The following ENTHD1 variants were observed in gnomAD, a reference collection of about 807,000 sequenced individuals.
The protein encoded by ENTHD1 is ENTH domain-containing protein 1.
A neutral mutation model predicts 39.1 loss-of-function variants in ENTHD1; 23 were observed. The ratio of observed to expected loss-of-function variants is 0.59; its 90% CI spans 0.42 to 0.83. The LOEUF (loss-of-function observed/expected upper bound fraction) is 0.83. Ranked by LOEUF, ENTHD1 falls within the 40% of genes least tolerant of loss-of-function variation. The pLI is 0.00. For missense variants in ENTHD1, 624 were observed against 705.4 expected (o/e 0.88, Z 1.31); for synonymous variants, 230 against 258.2 (o/e 0.89, Z 1.05).
intron 3 of ENTHD1, among the ~76,000 whole-genome samples, chr22:39,849,874 T>A (rs2066021248): frequency 6.6e-6 from 1 of 152,216 alleles, no homozygotes; most frequent in South Asian, 2.1e-4. Context: ...TTAATTTCTC[T>A]TGCTTGTTTT....
chr22:39,797,665 G>GA (rs1317830209), intron 5 of ENTHD1, among the ~76,000 whole-genome samples: 1 of 152,094 alleles, frequency 6.6e-6, no homozygotes, highest in Admixed American at 6.5e-5. Flanking sequence ...GCTTGTTTGG[G>GA]AAAGACTACT....
intron 3 of ENTHD1, among the ~76,000 whole-genome samples, chr22:39,839,087 T>C (rs1265009291): frequency 6.6e-6 from 1 of 152,144 alleles, no homozygotes; most frequent in East Asian, 1.9e-4. Flanking sequence ...GCCAGAATTA[T>C]ATCCTTTGCA....
At position 39,886,697 on chromosome 22, in the gene ENTHD1, C is replaced by A. The variant is rs530322061; in HGVS notation, c.349+703G>T. Among the ~76,000 whole-genome samples, 69 of 152,228 alleles carry A rather than the reference C, an allele frequency of 4.5e-4. 1 individual carries two copies. Among genetic ancestry groups the A allele is most frequent in the South Asian group, 1.0e-3 (5 of 4,812 alleles). ...CAGTAGCTAGAGAGGAAGCACTGAG[C>A]CTTTTGTCACTGTAGAATATCAGGC... On this transcript the variant is annotated intron_variant, in intron 2 of 6. Coordinates refer to ENST00000325157, the MANE Select transcript of ENTHD1 (RefSeq NM_152512.4).
At position 39,821,038 on chromosome 22, in the gene ENTHD1, T is replaced by G; in HGVS notation, c.787A>C (p.Thr263Pro). 1 of 1,614,060 alleles carries G rather than the reference T, an allele frequency of 6.2e-7. No homozygotes were observed. Among genetic ancestry groups the G allele is most frequent in the East Asian group, 2.2e-5 (1 of 44,860 alleles). The change falls in exon 5 of 7, where the codon ACT becomes CCT. Residue 263 changes from threonine (T) to proline (P), a missense_variant. Physicochemically the swap from Thr to Pro is conservative, Grantham distance 38. Coordinates refer to ENST00000325157, the MANE Select transcript of ENTHD1 (RefSeq NM_152512.4). ...ACTTCTTCTGCTTCTGACAAGCAAG[T>G]GATTGGAGAGACAATGGAAGGAGGT... ...ATPPSIVSPITCLSEAEEVCN... is the reference protein window; with the variant it reads ...ATPPSIVSPIPCLSEAEEVCN...
Position 39,811,367 on chromosome 22 carries a change from C to T in ENTHD1, c.832+9626G>A, listed in dbSNP as rs151329644. 5.7e-4 allele frequency among the ~76,000 whole-genome samples: 87 copies of T among 152,308 alleles called. 1 individual carries two copies. The East Asian group carries it at 0.012, about 21-fold the overall frequency. On this transcript the variant is annotated intron_variant, in intron 5 of 6. Coordinates refer to ENST00000325157, the MANE Select transcript of ENTHD1 (RefSeq NM_152512.4). The stretch of plus-strand genomic sequence containing the variant: ...CTGCCCCGACACCTGGATCATATAA[C>T]TTAGCAGAACCAAGGGTAAGGGAAG...
At chr22:39,825,112 C>T (rs555855671) in intron 4 of ENTHD1, among the ~76,000 whole-genome samples, 1 of 152,252 alleles carries the variant, frequency 6.6e-6, no homozygotes, top group Admixed American at 6.5e-5. Flanking sequence ...TTATAATTCT[C>T]AACATATGGA....
At chr22:39,823,069 C>T (rs1182391216) in intron 4 of ENTHD1, among the ~76,000 whole-genome samples, 1 of 152,210 alleles carries the variant, frequency 6.6e-6, no homozygotes, top group African/African-American at 2.4e-5. Context: ...CCTAATCTCT[C>T]CTTCATTTCT....
chr22:39,802,982 T>C (rs1286628850), intron 5 of ENTHD1, among the ~76,000 whole-genome samples: 1 of 152,202 alleles, frequency 6.6e-6, no homozygotes, highest in African/African-American at 2.4e-5. Context: ...ATATAGCTTC[T>C]TCCTTATCTT....
intron 6 of ENTHD1, among the ~76,000 whole-genome samples, chr22:39,749,162 C>A (rs2065129501): frequency 6.6e-6 from 1 of 152,222 alleles, no homozygotes. Flanking sequence ...CACTCCACAG[C>A]TGTACACATA....
chr22:39,784,322 A>G (rs1476122838), intron 5 of ENTHD1, among the ~76,000 whole-genome samples: 2 of 152,156 alleles, frequency 1.3e-5, no homozygotes, highest in African/African-American at 4.8e-5. Context: ...TACTGCCACT[A>G]TGGAGAACAG....
rs1190158040 is a variant in ENTHD1 at position 39,887,632 on chromosome 22, A to C, written c.117T>G (p.Asp39Glu). 1 of 1,614,092 alleles carries C rather than the reference A, an allele frequency of 6.2e-7. No homozygotes were observed. Among genetic ancestry groups the C allele is most frequent in the Non-Finnish European group, 8.5e-7 (1 of 1,179,940 alleles). ...PWGPSSSLML[D>E]ISDLTFNTIS... The stretch of plus-strand genomic sequence containing the variant: ...TTGTGTTGAAAGTCAAGTCACTGAT[A>C]TCTAACATCAGAGAACTAGAGGGAC... Residue 39 changes from aspartate to glutamate, a missense_variant, in exon 2 of 7, where the codon GAT becomes GAG. Asp to Glu is a conservative substitution (Grantham distance 45, BLOSUM62 2). Transcript: ENST00000325157.
intron 2 of ENTHD1, among the ~76,000 whole-genome samples, chr22:39,870,041 A>G (rs990672671): frequency 6.7e-6 from 1 of 149,914 alleles, no homozygotes; most frequent in African/African-American, 2.5e-5. Context: ...GACAGTCTCA[A>G]TGTCTCAACC....
chr22:39,870,298 C>T (rs1601657794), intron 2 of ENTHD1, among the ~76,000 whole-genome samples: 2 of 151,920 alleles, frequency 1.3e-5, no homozygotes, highest in Non-Finnish European at 2.9e-5. Context: ...TATGAGCCAC[C>T]GTGTCCAGCC....
At chr22:39,886,387 G>A (rs2066379453) in intron 2 of ENTHD1, among the ~76,000 whole-genome samples, 1 of 152,126 alleles carries the variant, frequency 6.6e-6, no homozygotes, top group African/African-American at 2.4e-5. Flanking sequence ...GACTCCTAAT[G>A]TAAGATATGA....
chr22:39,765,422 C>T lies in ENTHD1; in HGVS notation c.1020G>A (p.Glu340=). ...CCCTTAAGTCGGGGCTGATAAACTCCTCTTTACTTGACCAACATGCTGGTA... is the reference window on the plus strand; with the variant it reads ...CCCTTAAGTCGGGGCTGATAAACTCTTCTTTACTTGACCAACATGCTGGTA... ...TILPACWSSK[E]EFISPDLRVS... Residue 340 remains glutamate (E), a synonymous_variant, in exon 6 of 7, where the codon GAG becomes GAA. Transcript: ENST00000325157. 6.2e-7 allele frequency: 1 copy of T among 1,613,954 alleles called. No individual in the cohort carries two copies. Among genetic ancestry groups the T allele is most frequent in the Non-Finnish European group, 8.5e-7 (1 of 1,179,972 alleles).
intron 3 of ENTHD1, among the ~76,000 whole-genome samples, chr22:39,855,603 A>AAG (rs2066078671): frequency 3.3e-5 from 5 of 151,010 alleles, no homozygotes; most frequent in African/African-American, 1.2e-4. Flanking sequence ...AAAAAAAAAA[A>AAG]GAAGAAAGAA....
intron 3 of ENTHD1, among the ~76,000 whole-genome samples, chr22:39,837,164 A>G (rs975533358): frequency 6.6e-5 from 10 of 152,228 alleles, no homozygotes; most frequent in Non-Finnish European, 1.5e-5. Context: ...TACCAACTCT[A>G]TCTCAGCATA....
chr22:39,744,734 C>T lies in ENTHD1; in HGVS notation c.1220-451G>A, dbSNP rs183280198. Among the ~76,000 whole-genome samples, 163 of 152,148 alleles carry T rather than the reference C, an allele frequency of 1.1e-3. 1 individual carries two copies. Among genetic ancestry groups the T allele is most frequent in the Non-Finnish European group, 1.4e-3 (96 of 67,970 alleles). The stretch of plus-strand genomic sequence containing the variant: ...GAGATTATTATGGCAAAATGAACTA[C>T]CAACTACAAGTACCCAAAAGTTAGT... On this transcript the variant is annotated intron_variant, in intron 6 of 6. Coordinates refer to ENST00000325157, the MANE Select transcript of ENTHD1 (RefSeq NM_152512.4).
intron 6 of ENTHD1, among the ~76,000 whole-genome samples, chr22:39,753,013 ACTT>A (rs2065159019): frequency 6.6e-6 from 1 of 152,158 alleles, no homozygotes; most frequent in Non-Finnish European, 1.5e-5. Flanking sequence ...GATTTCTTTC[ACTT>A]TCAAAGGTGG....
Sources: allele counts gnomAD v4.1 joint callset (sites outside exome capture counted in the v4.1 genomes callset), GRCh38; gene constraint gnomAD v4.1.1; transcripts MANE v1.5; gene names NCBI Gene and HGNC (gene_info 2026-07-23, HGNC 2026-07-21).